Variants in ZNF475 observed in about 807,000 individuals in gnomAD.
The protein encoded by ZNF475 is zinc finger protein 475.
the ZNF475 span, chr5:122,163,170 G>A: frequency 9.8e-5 from 15 of 152,316 alleles, no homozygotes; most frequent in African/African-American, 2.6e-4. Context: ...CACTTCACAG[G>A]AGACCCAACT....
chr5:122,179,033 G>T, the ZNF475 span, among the ~76,000 whole-genome samples: 1 of 152,136 alleles, frequency 6.6e-6, no homozygotes, highest in African/African-American at 2.4e-5. Flanking sequence ...GTTTGTCAAA[G>T]ATCAGATGGT....
the ZNF475 span, among the ~76,000 whole-genome samples, chr5:122,168,991 G>A: frequency 6.6e-6 from 1 of 152,316 alleles, no homozygotes; most frequent in East Asian, 1.9e-4. Flanking sequence ...GGCCAGGGGA[G>A]ACACTTAGAA....
At chr5:122,175,813 T>C in the ZNF475 span, among the ~76,000 whole-genome samples, 4 of 152,192 alleles carry the variant, frequency 2.6e-5, no homozygotes, top group African/African-American at 9.7e-5. Context: ...GCCTATACTC[T>C]TTTCCTCTCT....
chr5:122,166,800 C>T, the ZNF475 span, among the ~76,000 whole-genome samples: 3 of 152,154 alleles, frequency 2.0e-5, no homozygotes, highest in East Asian at 1.9e-4. Flanking sequence ...AATAAACATA[C>T]GTGTGCATGT....
the ZNF475 span, among the ~76,000 whole-genome samples, chr5:122,161,956 G>A: frequency 7.3e-5 from 11 of 151,402 alleles, no homozygotes; most frequent in Middle Eastern, 3.5e-3. Context: ...AAGCAGAAAC[G>A]GCTCTTATCT....
At chr5:122,176,600 C>T in the ZNF475 span, among the ~76,000 whole-genome samples, 3 of 152,132 alleles carry the variant, frequency 2.0e-5, no homozygotes, top group African/African-American at 7.2e-5. Flanking sequence ...TTGTCACCTC[C>T]TATAACTGAG....
At chr5:122,179,966 T>A in the ZNF475 span, 9 of 307,626 alleles carry the variant, frequency 2.9e-5, no homozygotes, top group Non-Finnish European at 4.7e-5. Flanking sequence ...GAGGGACCTA[T>A]GGGAATTTGC....
chr5:122,171,747 T>C, the ZNF475 span, among the ~76,000 whole-genome samples: 1 of 152,056 alleles, frequency 6.6e-6, no homozygotes, highest in South Asian at 2.1e-4. Flanking sequence ...CTATACTTTT[T>C]TTTTTTTTTG....
At chr5:122,180,995 C>T in the ZNF475 span, among the ~76,000 whole-genome samples, 2 of 152,214 alleles carry the variant, frequency 1.3e-5, no homozygotes, top group East Asian at 3.9e-4. Flanking sequence ...TGTTTCCTTC[C>T]CTTCTGATCT....
At chr5:122,162,952 T>G in the ZNF475 span, 10 of 152,158 alleles carry the variant, frequency 6.6e-5, no homozygotes, top group African/African-American at 2.2e-4. Flanking sequence ...TGACCACTGA[T>G]GACTGTATCT....
the ZNF475 span, among the ~76,000 whole-genome samples, chr5:122,169,105 C>T: frequency 6.6e-6 from 1 of 152,168 alleles, no homozygotes; most frequent in Non-Finnish European, 1.5e-5. Flanking sequence ...AAGCAGCCTT[C>T]TTGTTTCCAT....
the ZNF475 span, among the ~76,000 whole-genome samples, chr5:122,163,546 G>A: frequency 1.3e-5 from 2 of 152,170 alleles, no homozygotes; most frequent in African/African-American, 4.8e-5. Flanking sequence ...TGGCTTAATG[G>A]AAGGAATCAG....
At chr5:122,166,536 C>T in the ZNF475 span, among the ~76,000 whole-genome samples, 7 of 152,114 alleles carry the variant, frequency 4.6e-5, no homozygotes, top group African/African-American at 1.7e-4. Context: ...TGTTCCCCAC[C>T]CTGTGTCCAA....
At chr5:122,170,701 T>G in the ZNF475 span, among the ~76,000 whole-genome samples, 3 of 152,152 alleles carry the variant, frequency 2.0e-5, no homozygotes, top group Non-Finnish European at 4.4e-5. Context: ...AGTGATTATC[T>G]CAATCCCCAG....
the ZNF475 span, among the ~76,000 whole-genome samples, chr5:122,163,731 G>A: frequency 9.8e-5 from 15 of 152,310 alleles, no homozygotes; most frequent in African/African-American, 2.6e-4. Flanking sequence ...GGATCCAGCT[G>A]GGAGCAGGGA....
the ZNF475 span, among the ~76,000 whole-genome samples, chr5:122,178,916 G>A: frequency 6.6e-6 from 1 of 152,054 alleles, no homozygotes; most frequent in African/African-American, 2.4e-5. Context: ...TTTTGTATAA[G>A]GTGTAAGGAA....
the ZNF475 span, among the ~76,000 whole-genome samples, chr5:122,172,626 A>T: frequency 6.6e-6 from 1 of 152,226 alleles, no homozygotes; most frequent in East Asian, 1.9e-4. Context: ...TTTCTATTTC[A>T]TGAGGTGATG....
chr5:122,174,988 C>G, the ZNF475 span, among the ~76,000 whole-genome samples: 5 of 152,064 alleles, frequency 3.3e-5, no homozygotes, highest in South Asian at 1.0e-3. Flanking sequence ...ATTTTTCATG[C>G]CACTTTTGAA....
At chr5:122,161,888 A>G in the ZNF475 span, among the ~76,000 whole-genome samples, 5 of 152,212 alleles carry the variant, frequency 3.3e-5, no homozygotes, top group Non-Finnish European at 7.3e-5. Flanking sequence ...CAAGACATTT[A>G]ATCAATACCT....
Sources: gnomAD v4.1 joint callset for allele counts (sites outside exome capture counted in the v4.1 genomes callset) on GRCh38, gnomAD v4.1.1 for gene constraint, MANE v1.5 for transcripts, NCBI Gene and HGNC (gene_info 2026-07-23, HGNC 2026-07-21) for gene names.